GRIP1: variants seen among roughly 807,000 people sequenced by gnomAD.
GRIP1 encodes glutamate receptor interacting protein 1.
In GRIP1, 45 loss-of-function variants were observed where a neutral mutation model predicts 129.9. That is an observed-to-expected ratio of 0.35 (90% CI 0.27 to 0.44). The LOEUF (loss-of-function observed/expected upper bound fraction) is 0.44. Among genes scored for constraint, GRIP1 ranks in the 20% least tolerant of loss-of-function variants. The pLI, the probability that GRIP1 is intolerant of heterozygous loss-of-function variation, is 1.00. For synonymous variants in GRIP1, 530 were observed against 520.8 expected (o/e 1.02, Z -0.24); for missense variants, 1,196 against 1,396.8 (o/e 0.86, Z 2.29).
At chr12:66,799,791 C>T (rs903960424) in intron 1 of GRIP1, among the ~76,000 whole-genome samples, 17 of 152,022 alleles carry the variant, frequency 1.1e-4, no homozygotes, top group Non-Finnish European at 1.9e-4. Context: ...ATGAATTTAC[C>T]AAAGGGGGAA....
intron 1 of GRIP1, among the ~76,000 whole-genome samples, chr12:66,797,312 C>A (rs184318192): frequency 6.6e-6 from 1 of 152,270 alleles, no homozygotes; most frequent in African/African-American, 2.4e-5. Context: ...GGAACGTCAT[C>A]TGTCCAAATT....
rs995924790 is a variant in GRIP1, at chr12:66,554,753, G to C, written c.137-12803C>G. Among the ~76,000 whole-genome samples the C allele has an allele frequency of 1.4e-4, 22 of 152,254 alleles. 1 individual carries two copies. The highest frequency in any genetic ancestry group is 8.3e-4 in the South Asian group (4 of 4,820). ...CTTAAGTGAACATCGGTGGTACTTT[G>C]GCAGTATTCCCCATGGCACACTGGA... is the stretch of plus-strand genomic sequence containing the variant. On this transcript the variant is annotated intron_variant, in intron 2 of 24. Coordinates refer to ENST00000359742, the MANE Select transcript of GRIP1 (RefSeq NM_001366722.1).
At chr12:66,409,313 C>T (rs1047797165) in intron 15 of GRIP1, among the ~76,000 whole-genome samples, 2 of 152,182 alleles carry the variant, frequency 1.3e-5, no homozygotes, top group African/African-American at 4.8e-5. Context: ...CCCTCAGCTT[C>T]AGGCAGCTCA....
chr12:66,918,626 A>C lies in GRIP1; in HGVS notation c.58+150424T>G, dbSNP rs150787033. On this transcript the variant is annotated intron_variant, in intron 1 of 1. Transcript: ENST00000643019. ...AAATATTTTCAAACAACCTGTATTC[A>C]AAAAAACCATATCAACAGGAAGTTT... 5.3e-5 allele frequency among the ~76,000 whole-genome samples: 8 copies of C among 152,254 alleles called. No homozygotes were observed. The East Asian group carries it at 1.2e-3, about 22-fold the overall frequency.
At chr12:67,034,339 G>A (rs905707967) in intron 1 of GRIP1, among the ~76,000 whole-genome samples, 1 of 152,148 alleles carries the variant, frequency 6.6e-6, no homozygotes, top group Non-Finnish European at 1.5e-5. Context: ...ATGGCTTAAC[G>A]ACAGGGATAA....
intron 22 of GRIP1, among the ~76,000 whole-genome samples, chr12:66,372,844 C>T (rs1184962247): frequency 6.6e-6 from 1 of 151,982 alleles, no homozygotes; most frequent in Non-Finnish European, 1.5e-5. Flanking sequence ...GAAAATATGC[C>T]TGTAGCCAGT....
At chr12:66,834,304 A>G (rs1231678782) in intron 1 of GRIP1, among the ~76,000 whole-genome samples, 1 of 152,150 alleles carries the variant, frequency 6.6e-6, no homozygotes, top group African/African-American at 2.4e-5. Context: ...CGTGTTACAC[A>G]GTTACTGAGT....
In GRIP1 at chr12:67,054,354, T is replaced by A. The variant is rs1489646425; in HGVS notation, c.58+14696A>T. Among the ~76,000 whole-genome samples the A allele has an allele frequency of 3.9e-5, 6 of 152,242 alleles. No individual in the cohort carries two copies. The East Asian group carries it at 1.2e-3, about 29-fold the overall frequency. ...GGGGATACAACAGTAACGAAACAGA[T>A]AAAAATTCCTGCTTTCAAGTGGCTT... is the stretch of plus-strand genomic sequence containing the variant. On this transcript the variant is annotated intron_variant, in intron 1 of 1. Coordinates refer to the GRIP1 transcript ENST00000643019.
Position 66,497,979 on chromosome 12 carries a change from C to T in GRIP1, c.724+17640G>A, listed in dbSNP as rs149795680. Among the ~76,000 whole-genome samples, 23 of 151,864 alleles carry T rather than the reference C, an allele frequency of 1.5e-4. No homozygotes were observed. The East Asian group carries it at 4.3e-3, about 28-fold the overall frequency. ...ACATTACCTTGTGAAAGTCCTTTTC[C>T]TGGCTCATCCTGGCTCAAAAAGCAC... On this transcript the variant is annotated intron_variant, in intron 7 of 24. Coordinates refer to ENST00000359742, the MANE Select transcript of GRIP1 (RefSeq NM_001366722.1).
At chr12:66,690,014 G>A (rs2034923765) in intron 1 of GRIP1, among the ~76,000 whole-genome samples, 1 of 152,042 alleles carries the variant, frequency 6.6e-6, no homozygotes, top group South Asian at 2.1e-4. Flanking sequence ...AGCCTCCAGG[G>A]CTCAGACAAT....
chr12:66,579,601 G>A lies in GRIP1; in HGVS notation c.136+17246C>T, dbSNP rs186004553. ...CTGAAAGCCAAGGCTCGAGAACTAC[G>A]TAAAGAATGCAGAAGCCTCAGGAGC... On this transcript the variant is annotated intron_variant, in intron 2 of 24. Coordinates refer to ENST00000359742, the MANE Select transcript of GRIP1 (RefSeq NM_001366722.1). 3.8e-3 allele frequency among the ~76,000 whole-genome samples: 585 copies of A among 152,272 alleles called. 5 individuals carry two copies. The highest frequency in any genetic ancestry group is 0.013 in the African/African-American group (552 of 41,554).
chr12:66,407,087 T>C (rs1410527264), intron 15 of GRIP1, among the ~76,000 whole-genome samples: 1 of 152,242 alleles, frequency 6.6e-6, no homozygotes, highest in Non-Finnish European at 1.5e-5. Flanking sequence ...TGTGTGTATA[T>C]GTATATATAC....
intron 1 of GRIP1, among the ~76,000 whole-genome samples, chr12:66,760,459 T>C (rs1398052714): frequency 6.6e-6 from 1 of 151,830 alleles, no homozygotes; most frequent in East Asian, 1.9e-4. Context: ...TGGTGGGAGG[T>C]AAAAAGCACT....
At chr12:67,025,767 G>A (rs2042934729) in intron 1 of GRIP1, among the ~76,000 whole-genome samples, 4 of 152,116 alleles carry the variant, frequency 2.6e-5, no homozygotes, top group Non-Finnish European at 2.9e-5. Context: ...ATAAATGGAA[G>A]ATAACAGGAT....
At chr12:66,636,120 T>C (rs10784563) in intron 1 of GRIP1, among the ~76,000 whole-genome samples, 11,506 of 152,204 alleles carry the variant, frequency 0.076, 546 homozygotes, top group East Asian at 0.12. Context: ...AACATAAACT[T>C]TGATGACATT....
intron 1 of GRIP1, among the ~76,000 whole-genome samples, chr12:66,634,384 G>T (rs1429624861): frequency 6.6e-6 from 1 of 152,094 alleles, no homozygotes; most frequent in Non-Finnish European, 1.5e-5. Flanking sequence ...ACTTTTTGCA[G>T]CCAATCATGG....
At chr12:67,024,661 G>A (rs371558736) in intron 1 of GRIP1, among the ~76,000 whole-genome samples, 61 of 152,182 alleles carry the variant, frequency 4.0e-4, no homozygotes, top group Admixed American at 4.6e-4. Flanking sequence ...AAAGTATTAC[G>A]ACCGTGATCA....
intron 15 of GRIP1, among the ~76,000 whole-genome samples, chr12:66,415,051 T>C (rs1266195384): frequency 6.6e-6 from 1 of 151,370 alleles, no homozygotes; most frequent in African/African-American, 2.4e-5. Context: ...ATCTAGACAA[T>C]ACCATTCAGG....
At chr12:66,415,528 T>C (rs923121772) in intron 15 of GRIP1, among the ~76,000 whole-genome samples, 2 of 152,106 alleles carry the variant, frequency 1.3e-5, no homozygotes, top group African/African-American at 4.8e-5. Flanking sequence ...CTCAAAGATA[T>C]AGAAGCAGAA....
Sources: gnomAD v4.1 joint callset for allele counts (sites outside exome capture counted in the v4.1 genomes callset) on GRCh38, gnomAD v4.1.1 for gene constraint, MANE v1.5 for transcripts, NCBI Gene and HGNC (gene_info 2026-07-23, HGNC 2026-07-21) for gene names.